The following SPIRE1 variants were observed in gnomAD, a reference collection of about 807,000 sequenced individuals.
SPIRE1 encodes spire type actin nucleation factor 1.
In SPIRE1, 40 loss-of-function variants were observed where a neutral mutation model predicts 94.1. That is an observed-to-expected ratio of 0.43 (90% CI 0.33 to 0.55). The LOEUF (loss-of-function observed/expected upper bound fraction) is 0.55. Among genes scored for constraint, SPIRE1 ranks in the 20% least tolerant of loss-of-function variants. SPIRE1 has a pLI of 0.06. For synonymous variants in SPIRE1, 376 were observed against 371.7 expected (o/e 1.01, Z -0.13); for missense variants, 838 against 975.2 (o/e 0.86, Z 1.87).
intron 1 of SPIRE1, among the ~76,000 whole-genome samples, chr18:12,654,336 CAAAAAA>C (rs199897679): frequency 3.0e-5 from 3 of 98,990 alleles, no homozygotes; most frequent in South Asian, 8.6e-4. Flanking sequence ...GACTCCACCT[CAAAAAA>C]AAAAAAAAAA....
intron 3 of SPIRE1, among the ~76,000 whole-genome samples, chr18:12,537,639 T>C (rs924523746): frequency 1.3e-5 from 2 of 152,154 alleles, no homozygotes. Context: ...GGAATACTAC[T>C]AGAGTTCATA....
At chr18:12,592,366 A>G (rs967763527) in intron 2 of SPIRE1, among the ~76,000 whole-genome samples, 2 of 152,244 alleles carry the variant, frequency 1.3e-5, no homozygotes, top group African/African-American at 4.8e-5. Flanking sequence ...ACAAAGTTAT[A>G]ATCACATTTT....
intron 3 of SPIRE1, among the ~76,000 whole-genome samples, chr18:12,540,058 AATG>A (rs2144235823): frequency 6.6e-6 from 1 of 152,198 alleles, no homozygotes; most frequent in African/African-American, 2.4e-5. Flanking sequence ...CAGAGAGATC[AATG>A]AAGATTGGAG....
At chr18:12,658,519 A>C (rs997708879), upstream of SPIRE1, 1 of 462,258 alleles carries the variant, frequency 2.2e-6, no homozygotes, top group Non-Finnish European at 4.5e-6. Flanking sequence ...GGGCGCGCCA[A>C]CCCGGGTCAC....
chr18:12,623,212 G>T (rs1260168697), intron 2 of SPIRE1, among the ~76,000 whole-genome samples: 2 of 151,704 alleles, frequency 1.3e-5, no homozygotes, highest in African/African-American at 4.9e-5. Flanking sequence ...GGAGTGCAGT[G>T]GCGTGATCTT....
In SPIRE1 at chr18:12,578,488, TG is replaced by T. The variant is rs2036170309; in HGVS notation, c.373-31585del. Reference sequence around the variant, plus strand: ...AGTTCAATTTATATGAAGTTGGAGCTGGGGGACTGACTGCACCGGAAACTTT... The same window carrying T: ...AGTTCAATTTATATGAAGTTGGAGCTGGGGACTGACTGCACCGGAAACTTT... On this transcript the variant is annotated intron_variant, in intron 2 of 16. Transcript: ENST00000409402. 9.8e-5 allele frequency among the ~76,000 whole-genome samples: 15 copies of T among 152,324 alleles called. No individual in the cohort carries two copies. In the South Asian group the frequency reaches 3.1e-3, roughly 32 times the overall value.
chr18:12,578,475 A>G (rs2144518603), intron 2 of SPIRE1, among the ~76,000 whole-genome samples: 1 of 152,370 alleles, frequency 6.6e-6, no homozygotes, highest in East Asian at 1.9e-4. Context: ...TTCAATTTAT[A>G]TGAAGTTGGA....
upstream of SPIRE1, among the ~76,000 whole-genome samples, chr18:12,660,336 T>A (rs183687601): frequency 2.6e-5 from 4 of 151,300 alleles, 1 homozygote; most frequent in South Asian, 6.3e-4. Context: ...TTTTTTTTTT[T>A]AATTGAGACA....
In SPIRE1 at chr18:12,535,608, A is replaced by G. The variant is rs942592665; in HGVS notation, c.604-7T>C. ...GGAGATGAGCAGCACACAACTATAG[A>G]AGGGGAAAATAAAATAATGGTGCTT... On this transcript the variant is annotated splice_region_variant and splice_polypyrimidine_tract_variant and intron_variant, in intron 3 of 16. Coordinates refer to ENST00000409402, the MANE Select transcript of SPIRE1 (RefSeq NM_001128626.2). 10 of 1,605,132 alleles carry G rather than the reference A, an allele frequency of 6.2e-6. No individual in the cohort carries two copies. Among genetic ancestry groups the G allele is most frequent in the Non-Finnish European group, 8.5e-6 (10 of 1,175,196 alleles).
rs1274401523 is a variant in SPIRE1, at chr18:12,657,632, G to T, written c.235C>A (p.Arg79Ser). ...TGCGCGGCCGAGCGCACACGGTGGC[G>T]GGGCTGGCGGCGGCGGGCGGCGGCG... Reference protein sequence around the residue: ...LRAAARRRQPRHRVRSAAQIR... With the variant: ...LRAAARRRQPSHRVRSAAQIR... The change falls in exon 1 of 17, where the codon CGC (arginine) becomes AGC (serine). Residue 79 changes from arginine (R) to serine (S), a missense_variant. Arg to Ser is a moderately radical substitution (Grantham distance 110, BLOSUM62 -1). Transcript: ENST00000409402. The T allele has an allele frequency of 9.1e-6, 12 of 1,313,674 alleles. No individual in the cohort carries two copies. The highest frequency in any genetic ancestry group is 3.2e-5 in the East Asian group (1 of 31,326). 81.4% of individuals were successfully genotyped at this position (1,313,674 alleles called of 1,614,324 possible).
chr18:12,641,879 C>G (rs1194642826), intron 1 of SPIRE1, among the ~76,000 whole-genome samples: 1 of 141,942 alleles, frequency 7.0e-6, no homozygotes, highest in Non-Finnish European at 1.5e-5. Context: ...GTCGCCCAGG[C>G]TGGAGTGCAG....
At chr18:12,595,637 C>G (rs1034070813) in intron 2 of SPIRE1, among the ~76,000 whole-genome samples, 9 of 152,178 alleles carry the variant, frequency 5.9e-5, no homozygotes, top group Admixed American at 5.9e-4. Flanking sequence ...TCCAACTAAC[C>G]TTTATTGAGT....
chr18:12,574,976 T>G (rs1294250311), intron 2 of SPIRE1, among the ~76,000 whole-genome samples: 1 of 152,184 alleles, frequency 6.6e-6, no homozygotes, highest in African/African-American at 2.4e-5. Flanking sequence ...TTGGAGACTT[T>G]GGCAAGGGCA....
chr18:12,654,888 C>T (rs112047354), intron 1 of SPIRE1, among the ~76,000 whole-genome samples: 21,192 of 151,682 alleles, frequency 0.14, 1,730 homozygotes, highest in African/African-American at 0.2. Context: ...ATTAGCTGGG[C>T]GTGGTGGCAT....
chr18:12,597,701 A>C (rs920961377), intron 2 of SPIRE1, among the ~76,000 whole-genome samples: 3 of 152,240 alleles, frequency 2.0e-5, no homozygotes. Flanking sequence ...GTATTCAAAA[A>C]ACAAATAGAT....
In SPIRE1 at chr18:12,458,386, C is replaced by T. The variant is rs548059433; in HGVS notation, c.1639-3903G>A. Among the ~76,000 whole-genome samples, 38 of 151,438 alleles carry T rather than the reference C, an allele frequency of 2.5e-4. No homozygotes were observed. In the South Asian group the frequency reaches 2.9e-3, roughly 12 times the overall value. ...CAGCACTTTGGGAGGCCGAGGTGGG[C>T]GGATCACGAGGTCAGGAGATGGAGA... On this transcript the variant is annotated intron_variant, in intron 12 of 16. Transcript: ENST00000409402.
chr18:12,449,006 G>C lies in SPIRE1; in HGVS notation c.*632C>G, dbSNP rs1432808199. The C allele has an allele frequency of 6.5e-6, 1 of 152,818 alleles. No homozygotes were observed. Among genetic ancestry groups the C allele is most frequent in the African/African-American group, 2.4e-5 (1 of 41,458 alleles). The allele number at this position is 152,818 out of a possible 1,614,324, so 9.5% of individuals were successfully genotyped here. On this transcript the variant is annotated 3_prime_UTR_variant, in exon 17 of 17. Transcript: ENST00000409402. ...GCACTGGGACAACACGGCCACTCAG[G>C]GGAAATAGTCACCCTTGTGGGTGTA...
intron 12 of SPIRE1, among the ~76,000 whole-genome samples, chr18:12,458,164 C>T (rs1281611287): frequency 6.6e-6 from 1 of 151,552 alleles, no homozygotes; most frequent in East Asian, 1.9e-4. Flanking sequence ...ATCTTTTATA[C>T]AGTGTTCATG....
chr18:12,615,345 A>AAAAAAAAAAAAAAATATATAT, intron 2 of SPIRE1, among the ~76,000 whole-genome samples: 7 of 17,240 alleles, frequency 4.1e-4, no homozygotes, highest in South Asian at 2.7e-3. Flanking sequence ...AAAAAAAAAA[A>AAAAAAAAAAAAAAATATATAT]ATATATATAT....
Sources: gnomAD v4.1 joint callset for allele counts (sites outside exome capture counted in the v4.1 genomes callset) on GRCh38, gnomAD v4.1.1 for gene constraint, MANE v1.5 for transcripts, NCBI Gene and HGNC (gene_info 2026-07-23, HGNC 2026-07-21) for gene names.